EML2: variants seen among roughly 807,000 people sequenced by gnomAD.
EML2 encodes the protein echinoderm microtubule-associated protein-like 2.
Under a neutral mutation model 84.7 loss-of-function variants are expected in EML2, and 59 were observed. The observed-to-expected ratio is 0.70, with a 90% CI of 0.56 to 0.86. The LOEUF (loss-of-function observed/expected upper bound fraction) is 0.86. EML2 is among the 40% of genes least tolerant of loss of function. The pLI is 0.00. For missense variants in EML2, 818 were observed against 855.6 expected, an observed-to-expected ratio of 0.96 and a Z score of 0.55; for synonymous variants, 352 against 348.9, an observed-to-expected ratio of 1.01 and a Z score of -0.10.
chr19:45,616,640 C>T, intron 14 of EML2, 82 bp from the exon 15 acceptor site: 2 of 1,390,180 alleles, frequency 1.4e-6, no homozygotes, highest in South Asian at 2.4e-5. Flanking sequence ...TCAACAGTCC[C>T]CAGCTCCATC....
In EML2 at chr19:45,634,752, G is replaced by A. The variant is rs183823349; in HGVS notation, c.180-281C>T. ...TATTTTTTGTATTTTTAGTAGAGAC[G>A]GGGTATCACCATGTTAGCCAGGATG... On this transcript the variant is annotated intron_variant, in intron 3 of 18. Transcript: ENST00000245925. 1.0e-3 allele frequency among the ~76,000 whole-genome samples: 155 copies of A among 151,694 alleles called. 4 individuals are homozygous for A. In the East Asian group the frequency reaches 0.024, roughly 23 times the overall value.
upstream of EML2, chr19:45,643,555 C>G (rs1414646113): frequency 3.3e-6 from 5 of 1,535,954 alleles, no homozygotes; most frequent in African/African-American, 4.1e-5. Context: ...CCCCTCTCCC[C>G]CTTTTCCCGC....
In EML2 at chr19:45,625,858, A is replaced by G. The variant is rs746363306; in HGVS notation, c.741+847T>C. 2.4e-4 allele frequency among the ~76,000 whole-genome samples: 36 copies of G among 149,074 alleles called. 1 individual carries two copies. Among genetic ancestry groups the G allele is most frequent in the Non-Finnish European group, 3.0e-5 (2 of 67,732 alleles). On this transcript the variant is annotated intron_variant, in intron 8 of 18. Transcript: ENST00000245925. Reference sequence around the variant, plus strand: ...TATCCATCATATCGACAACCGCAGCACCCCTGTTTTTGTTTTTGTTTTTGT... The same window carrying G: ...TATCCATCATATCGACAACCGCAGCGCCCCTGTTTTTGTTTTTGTTTTTGT...
At chr19:45,628,236 T>A (rs1972598981) in intron 7 of EML2, among the ~76,000 whole-genome samples, 1 of 150,916 alleles carries the variant, frequency 6.6e-6, no homozygotes, top group Non-Finnish European at 1.5e-5. Flanking sequence ...GGCGTGGTGG[T>A]GCGCACCTGT....
At chr19:45,626,919 T>C in intron 7 of EML2, 80 bp from the exon 8 acceptor site, 1 of 1,386,450 alleles carries the variant, frequency 7.2e-7, no homozygotes, top group Non-Finnish European at 9.7e-7. Flanking sequence ...AGGACTGCCC[T>C]AAACGGCTGT....
chr19:45,627,065 T>C (rs1972441632), intron 7 of EML2, among the ~76,000 whole-genome samples: 2 of 151,688 alleles, frequency 1.3e-5, no homozygotes, highest in Non-Finnish European at 2.9e-5. Flanking sequence ...GTTCAAGCGA[T>C]TCTCTTGCCT....
chr19:45,613,431 T>A, intron 18 of EML2, 110 bp downstream of exon 18: 2 of 1,356,630 alleles, frequency 1.5e-6, no homozygotes, highest in Non-Finnish European at 2.0e-6. Flanking sequence ...CTTGTACAGA[T>A]GGGGAAACCG....
intron 6 of EML2, 194 bp downstream of exon 6, chr19:45,632,667 T>C (rs750006793): frequency 1.7e-6 from 1 of 573,420 alleles, no homozygotes. Flanking sequence ...TTAAAATGCC[T>C]GAGAGGGCTG....
intron 9 of EML2, among the ~76,000 whole-genome samples, chr19:45,624,166 C>A (rs978781604): frequency 6.6e-6 from 1 of 152,214 alleles, no homozygotes; most frequent in African/African-American, 2.4e-5. Flanking sequence ...CTCACTCATT[C>A]ACTCATTCAT....
rs961464846 is a variant in EML2, at chr19:45,638,713, TA to T, written c.50-80del. 35 of 1,585,868 alleles carry T rather than the reference TA, an allele frequency of 2.2e-5. No individual in the cohort carries two copies. The Admixed American group carries it at 4.8e-4, about 22-fold the overall frequency. ...CTCTCCTCTTCCAGCTTTATTTATT[TA>T]TTTTTTTAAAGGCAGGGAAACTGAG... On this transcript the variant is annotated intron_variant, in intron 2 of 18. Coordinates refer to ENST00000245925, the MANE Select transcript of EML2 (RefSeq NM_012155.4).
At chr19:45,623,300 A>C (rs1319587665) in intron 9 of EML2, among the ~76,000 whole-genome samples, 1 of 151,988 alleles carries the variant, frequency 6.6e-6, no homozygotes. Context: ...CAGAGCTTGC[A>C]GTGAGCCGAG....
At chr19:45,630,183 T>C (rs1159270876) in intron 6 of EML2, 137 bp from the exon 7 acceptor site, 3 of 647,060 alleles carry the variant, frequency 4.6e-6, no homozygotes, top group Non-Finnish European at 8.4e-6. Context: ...GAGGATCGCT[T>C]GAGTCCAGGA....
At chr19:45,645,166 T>C, upstream of EML2, 1 of 1,259,132 alleles carries the variant, frequency 7.9e-7, no homozygotes, top group South Asian at 1.5e-5. Context: ...AAAAGGGGGA[T>C]CTTCAGCAAG....
At chr19:45,609,887 C>CTT (rs368671855) in intron 18 of EML2, 99 bp from the exon 19 acceptor site, 3,082 of 1,076,396 alleles carry the variant, frequency 2.9e-3, no homozygotes, top group East Asian at 3.4e-3. Context: ...TGCTCTTCCT[C>CTT]TTTTTTTTTT....
At chr19:45,623,282 C>G (rs1049562045) in intron 9 of EML2, among the ~76,000 whole-genome samples, 1 of 151,920 alleles carries the variant, frequency 6.6e-6, no homozygotes, top group African/African-American at 2.4e-5. Context: ...TGGCGTGAAC[C>G]CAGGAGGCAG....
upstream of EML2, chr19:45,642,742 C>CA (rs1974675365): frequency 6.2e-6 from 1 of 161,936 alleles, no homozygotes; most frequent in Admixed American, 6.5e-5. Context: ...GCGGGCGTAT[C>CA]ACGAGGTCAG....
intron 4 of EML2, 74 bp from the exon 5 acceptor site, chr19:45,633,213 TC>T: frequency 6.8e-7 from 1 of 1,459,894 alleles, no homozygotes; most frequent in Non-Finnish European, 9.5e-7. Flanking sequence ...GGACATTCAT[TC>T]CACAAATTGG....
chr19:45,639,332 G>C (rs755743077), intron 1 of EML2, 25 bp downstream of exon 1: 5 of 1,343,124 alleles, frequency 3.7e-6, no homozygotes, highest in Admixed American at 3.8e-5. Flanking sequence ...GAGGAGATGG[G>C]GGGTGGTCTG....
At chr19:45,637,950 T>C (rs1973964740) in intron 3 of EML2, among the ~76,000 whole-genome samples, 1 of 151,976 alleles carries the variant, frequency 6.6e-6, no homozygotes, top group Non-Finnish European at 1.5e-5. Flanking sequence ...GTGCTCAGAT[T>C]ACAGGCATGA....
Sources: allele counts gnomAD v4.1 joint callset (sites outside exome capture counted in the v4.1 genomes callset), GRCh38; gene constraint gnomAD v4.1.1; transcripts MANE v1.5; gene names NCBI Gene and HGNC (gene_info 2026-07-23, HGNC 2026-07-21).